Variants in FGD2 observed in about 807,000 individuals in gnomAD.
FGD2 encodes FYVE, RhoGEF and PH domain-containing protein 2.
In FGD2, 52 loss-of-function variants were observed where a neutral mutation model predicts 75.9. The observed-to-expected ratio is 0.69, with a 90% CI of 0.55 to 0.86. The LOEUF is 0.86. Among genes scored for constraint, FGD2 ranks in the 40% least tolerant of loss-of-function variants. FGD2 has a pLI of 0.00. For missense variants in FGD2, 790 were observed against 872.0 expected (o/e 0.91, Z 1.18); for synonymous variants, 347 against 348.6 (o/e 1.00, Z 0.05).
chr6:37,010,907 C>T, intron 2 of FGD2, 66 bp from the exon 3 acceptor site: 2 of 1,465,868 alleles, frequency 1.4e-6, no homozygotes, highest in Non-Finnish European at 1.9e-6. Flanking sequence ...AACCGAGGTC[C>T]CCATCAGAGG....
In FGD2 at chr6:37,009,376, T is replaced by C. The variant is rs891536411; in HGVS notation, c.300+311T>C. 1.4e-5 allele frequency: 4 copies of C among 283,616 alleles called. No individual in the cohort carries two copies. The Admixed American group carries it at 2.0e-4, about 14-fold the overall frequency. The allele number at this position is 283,616 out of a possible 1,614,324, so 17.6% of individuals were successfully genotyped here. A position where few individuals can be genotyped will look rare whatever the true frequency, so the allele number is the denominator to read the frequency against. ...TGGAACAGTCTCCATCTTGTGAACC[T>C]AATACTCTTCTCAGGTGGGGCCTCA... On this transcript the variant is annotated intron_variant, in intron 2 of 15. Coordinates refer to ENST00000274963, the MANE Select transcript of FGD2 (RefSeq NM_173558.4).
At chr6:37,015,882 A>C (rs199877586) in intron 9 of FGD2, 22 bp downstream of exon 9, 1 of 1,552,576 alleles carries the variant, frequency 6.4e-7, no homozygotes, top group Admixed American at 2.0e-5. Flanking sequence ...CCTAAACACC[A>C]CTGGGCTCCA....
intron 1 of FGD2, among the ~76,000 whole-genome samples, chr6:37,007,069 G>A (rs985932339): frequency 6.6e-6 from 1 of 152,198 alleles, no homozygotes; most frequent in African/African-American, 2.4e-5. Flanking sequence ...GGATGGTGTG[G>A]GGAGGCCTCA....
At position 37,011,847 on chromosome 6, in the gene FGD2, G is replaced by T. The variant is rs1765026139; in HGVS notation, c.520G>T (p.Asp174Tyr). The change falls in exon 4 of 16, where the codon GAC becomes TAC. Residue 174 changes from aspartate to tyrosine, a missense_variant. By Grantham distance (160) the Asp-to-Tyr change is radical (BLOSUM62 -3). Coordinates refer to ENST00000274963, the MANE Select transcript of FGD2 (RefSeq NM_173558.4). ...FFLPELQRRL[D>Y]DWTANPRIGD... is the part of the protein sequence containing the mutation. ...CCTCCCAGAGCTGCAGCGGCGCCTGGACGACTGGTGAGGTCCACCAGGAGC... is the reference window on the plus strand; with the variant it reads ...CCTCCCAGAGCTGCAGCGGCGCCTGTACGACTGGTGAGGTCCACCAGGAGC... 1 of 1,613,626 alleles carries T rather than the reference G, an allele frequency of 6.2e-7. No individual in the cohort carries two copies. Among genetic ancestry groups the T allele is most frequent in the Non-Finnish European group, 8.5e-7 (1 of 1,179,836 alleles).
chr6:37,019,837 C>CTTCTT (rs1163048921), intron 9 of FGD2, among the ~76,000 whole-genome samples: 19 of 145,074 alleles, frequency 1.3e-4, no homozygotes, highest in Non-Finnish European at 1.6e-4. Flanking sequence ...TTATTTTCTT[C>CTTCTT]TTCTTTTCTT....
chr6:37,019,235 C>G (rs1765449079), intron 9 of FGD2, among the ~76,000 whole-genome samples: 1 of 152,182 alleles, frequency 6.6e-6, no homozygotes. Flanking sequence ...CAGGTTTGTC[C>G]CATTTGGCCC....
At chr6:37,011,456 G>A (rs1335653572) in intron 3 of FGD2, 20 of 580,516 alleles carry the variant, frequency 3.4e-5, no homozygotes, top group Non-Finnish European at 6.1e-5. Context: ...CACAGTTTGG[G>A]CCTGTTTATG....
intron 1 of FGD2, among the ~76,000 whole-genome samples, chr6:37,006,144 T>C (rs913650516): frequency 6.6e-6 from 1 of 152,210 alleles, no homozygotes; most frequent in Non-Finnish European, 1.5e-5. Flanking sequence ...CCAAAGCCTG[T>C]GTGTGGGCAC....
intron 1 of FGD2, among the ~76,000 whole-genome samples, chr6:37,006,699 G>C (rs1475700684): frequency 6.6e-6 from 1 of 152,148 alleles, no homozygotes; most frequent in East Asian, 1.9e-4. Flanking sequence ...GACTGTGTTA[G>C]GGGCTGTCCC....
intron 14 of FGD2, 111 bp downstream of exon 14, chr6:37,026,049 T>A: frequency 2.0e-6 from 3 of 1,491,122 alleles, no homozygotes; most frequent in Non-Finnish European, 2.7e-6. Context: ...CCAGCCATGG[T>A]CACACCCTCC....
rs1466923166 is a variant in FGD2, at chr6:37,019,851, TTTTC to T, written c.1123-686_1123-683del. On this transcript the variant is annotated intron_variant, in intron 9 of 15. Coordinates refer to ENST00000274963, the MANE Select transcript of FGD2 (RefSeq NM_173558.4). ...ATTATTTTCTTCTTCTTTTCTTTTC[TTTTC>T]TTTTTTTTTTTTTTTGAGACAGAGT... 1.0e-4 allele frequency among the ~76,000 whole-genome samples: 10 copies of T among 97,766 alleles called. No homozygotes were observed. In the South Asian group the frequency reaches 1.1e-3, roughly 11 times the overall value. The allele number at this position is 97,766 out of a possible 152,430, so 64.1% of individuals were successfully genotyped here.
intron 14 of FGD2, chr6:37,026,279 C>T (rs1765818795): frequency 1.0e-6 from 1 of 985,338 alleles, no homozygotes; most frequent in Admixed American, 6.1e-5. Flanking sequence ...GTGCCAAGAG[C>T]TGGTGTCACC....
rs768699458 is a variant in FGD2 at position 37,027,514 on chromosome 6, G to A, written c.1691G>A (p.Arg564Gln). Residue 564 changes from arginine (R) to glutamine (Q), a missense_variant, in exon 15 of 16, where the codon CGG (arginine) becomes CAG (glutamine). Arg to Gln is a conservative substitution (Grantham distance 43, BLOSUM62 1). Transcript: ENST00000274963. ...IGDKWGKSGP[R>Q]GWCVIPRDDP... The stretch of plus-strand genomic sequence containing the variant: ...GACAAGTGGGGCAAGAGCGGCCCCC[G>A]GGGCTGGTGTGTGATCCCTCGGGAT... The A allele has an allele frequency of 1.5e-5, 25 of 1,614,114 alleles. No homozygotes were observed. The highest frequency in any genetic ancestry group is 3.3e-4 in the Middle Eastern group (2 of 6,058).
intron 9 of FGD2, among the ~76,000 whole-genome samples, chr6:37,018,053 G>A (rs781044308): frequency 3.9e-5 from 6 of 152,224 alleles, no homozygotes; most frequent in Non-Finnish European, 5.9e-5. Context: ...CTTGGTGAGT[G>A]AGGCTGAGAA....
At position 37,022,290 on chromosome 6, in the gene FGD2, A is replaced by T; in HGVS notation, c.1378A>T (p.Met460Leu). 6.3e-7 allele frequency: 1 copy of T among 1,589,044 alleles called. No individual in the cohort carries two copies. Among genetic ancestry groups the T allele is most frequent in the Non-Finnish European group, 8.5e-7 (1 of 1,170,708 alleles). Residue 460 changes from methionine (M) to leucine (L), a missense_variant, in exon 13 of 16, where the codon ATG (methionine) becomes TTG (leucine). Transcript: ENST00000274963. ...GGCACCGCAGTGGGTCCGGGACAAG[A>T]TGGTGACCATGTGCATGCGCTGCCA... ...LRAPQWVRDK[M>L]VTMCMRCQEP...
chr6:37,008,047 T>A (rs1375790680), intron 1 of FGD2, among the ~76,000 whole-genome samples: 1 of 152,262 alleles, frequency 6.6e-6, no homozygotes, highest in African/African-American at 2.4e-5. Flanking sequence ...TTACTCATCC[T>A]GTCCAGACCT....
chr6:37,015,784 T>C lies in FGD2; in HGVS notation c.1046T>C (p.Leu349Pro). The change falls in exon 9 of 16, where the codon CTC becomes CCC. Residue 349 changes from leucine (L) to proline (P), a missense_variant. Physicochemically the swap from Leu to Pro is moderately conservative, Grantham distance 98. Transcript: ENST00000274963. ...CTCCTGCAGTTCAACAACATGCTGC[T>C]CTACTGTGTGCCCAGGGTGATCCAG... ...RYLFLFNNMLLYCVPRVIQVG... is the reference protein window; with the variant it reads ...RYLFLFNNMLPYCVPRVIQVG... The C allele has an allele frequency of 6.3e-7, 1 of 1,593,136 alleles. No individual in the cohort carries two copies. The highest frequency in any genetic ancestry group is 8.5e-7 in the Non-Finnish European group (1 of 1,170,586).
At chr6:37,011,493 C>G in intron 3 of FGD2, 1 of 632,102 alleles carries the variant, frequency 1.6e-6, no homozygotes, top group Non-Finnish European at 2.7e-6. Flanking sequence ...AGCCTTTGGC[C>G]AAGTCCCTGC....
In FGD2 at chr6:37,028,015, C is replaced by T. The variant is rs761951088; in HGVS notation, c.1820C>T (p.Pro607Leu). The change falls in exon 16 of 16, where the codon CCT (proline) becomes CTT (leucine). Residue 607 changes from proline (P) to leucine (L), a missense_variant. Physicochemically the swap from Pro to Leu is moderately conservative, Grantham distance 98. Coordinates refer to ENST00000274963, the MANE Select transcript of FGD2 (RefSeq NM_173558.4). ...GTGACTGTTGGGCCCCAGGGGGACC[C>T]TCGGGTCTTCCAGCTACAGCAGTCA... The part of the protein sequence containing the change: ...YQVTVGPQGD[P>L]RVFQLQQSGQ... 2 of 1,614,144 alleles carry T rather than the reference C, an allele frequency of 1.2e-6. No homozygotes were observed. Among genetic ancestry groups the T allele is most frequent in the Non-Finnish European group, 1.7e-6 (2 of 1,180,038 alleles).
Sources: gnomAD v4.1 joint callset for allele counts (sites outside exome capture counted in the v4.1 genomes callset) on GRCh38, gnomAD v4.1.1 for gene constraint, MANE v1.5 for transcripts, NCBI Gene and HGNC (gene_info 2026-07-23, HGNC 2026-07-21) for gene names.